Variants in CEP70 observed in about 807,000 individuals in gnomAD.
The protein encoded by CEP70 is centrosomal protein 70.
Under a neutral mutation model 90.9 loss-of-function variants are expected in CEP70, and 70 were observed. The observed-to-expected ratio is 0.77, with a 90% confidence interval of 0.64 to 0.94. The LOEUF is 0.94. CEP70 is among the 40% of genes least tolerant of loss of function. The pLI is 0.00. For missense variants in CEP70, 648 were observed against 669.0 expected (o/e 0.97, Z 0.35); for synonymous variants, 220 against 228.3 (o/e 0.96, Z 0.33).
intron 6 of CEP70, among the ~76,000 whole-genome samples, chr3:138,557,359 C>A (rs745812672): frequency 3.9e-5 from 6 of 152,036 alleles, no homozygotes; most frequent in Non-Finnish European, 8.8e-5. Flanking sequence ...GGTCCTGAGG[C>A]GACATACATC....
intron 11 of CEP70, among the ~76,000 whole-genome samples, chr3:138,509,428 G>A (rs767927903): frequency 2.0e-5 from 3 of 152,170 alleles, no homozygotes; most frequent in Admixed American, 6.5e-5. Context: ...GTGGCTACTA[G>A]AATGCTAGGG....
At chr3:138,533,063 C>T (rs983610396) in intron 7 of CEP70, among the ~76,000 whole-genome samples, 2 of 152,142 alleles carry the variant, frequency 1.3e-5, no homozygotes, top group African/African-American at 4.8e-5. Flanking sequence ...AGGCGGATCA[C>T]AAGGTCAGCA....
intron 10 of CEP70, 72 bp from the exon 11 acceptor site, chr3:138,525,636 G>A (rs901985207): frequency 5.9e-5 from 39 of 666,444 alleles, no homozygotes; most frequent in East Asian, 2.8e-4. Flanking sequence ...AAATATTAAC[G>A]ACATACAAAA....
intron 6 of CEP70, among the ~76,000 whole-genome samples, chr3:138,561,477 G>A (rs1369981917): frequency 1.3e-5 from 2 of 151,992 alleles, no homozygotes; most frequent in African/African-American, 2.4e-5. Flanking sequence ...AAACCAGAAC[G>A]CCTCTTCTCT....
At position 138,508,469 on chromosome 3, in the gene CEP70, T is replaced by C. The variant is rs1033444481; in HGVS notation, c.1020A>G (p.Gln340=). The C allele has an allele frequency of 3.7e-6, 6 of 1,611,862 alleles. No individual in the cohort carries two copies. Among genetic ancestry groups the C allele is most frequent in the Non-Finnish European group, 5.1e-6 (6 of 1,178,212 alleles). Residue 340 remains glutamine, a synonymous_variant, in exon 12 of 18, where the codon CAA becomes CAG. Transcript: ENST00000264982. ...AGTATCTCTGGTCAATTAGGGCCTGTTGCTGATTATATTTGCTGGGCTCAT... is the reference window on the plus strand; with the variant it reads ...AGTATCTCTGGTCAATTAGGGCCTGCTGCTGATTATATTTGCTGGGCTCAT... ...KKDEPSKYNQ[Q]QALIDQRYFQ...
At chr3:138,564,111 A>G (rs953806352) in intron 6 of CEP70, among the ~76,000 whole-genome samples, 1 of 152,248 alleles carries the variant, frequency 6.6e-6, no homozygotes, top group Non-Finnish European at 1.5e-5. Flanking sequence ...AAATTGATAA[A>G]TTCCTGGACA....
Position 138,500,163 on chromosome 3 carries a change from A to G in CEP70, c.1599T>C (p.Asn533=). 1 of 1,613,966 alleles carries G rather than the reference A, an allele frequency of 6.2e-7. No homozygotes were observed. ...GCATAACCTGCTCATTCACATCTTC[A>G]TTAATCAGCCTACAGAGTTTTCCAA... is the stretch of plus-strand genomic sequence containing the variant. ...STVGKLCRLI[N]EDVNEQVMQV... The change falls in exon 16 of 18, where the codon AAT becomes AAC. Residue 533 remains asparagine, a synonymous_variant. Coordinates refer to ENST00000264982, the MANE Select transcript of CEP70 (RefSeq NM_024491.4).
intron 6 of CEP70, among the ~76,000 whole-genome samples, chr3:138,538,110 G>A (rs1344972026): frequency 6.6e-6 from 1 of 152,138 alleles, no homozygotes; most frequent in Admixed American, 6.5e-5. Flanking sequence ...CCACTATCTT[G>A]GGTTCCTTGC....
intron 14 of CEP70, 82 bp from the exon 15 acceptor site, chr3:138,500,649 C>G: frequency 6.7e-7 from 1 of 1,498,770 alleles, no homozygotes; most frequent in Non-Finnish European, 8.9e-7. Flanking sequence ...ACAAATAGAA[C>G]TCTAGTAGAA....
chr3:138,507,468 T>A (rs574287078), intron 12 of CEP70, among the ~76,000 whole-genome samples: 8 of 152,224 alleles, frequency 5.3e-5, no homozygotes, highest in South Asian at 2.1e-4. Context: ...ATAAAAAAAA[T>A]TTTTTTAATG....
At position 138,500,204 on chromosome 3, in the gene CEP70, C is replaced by T. The variant is rs1560272575; in HGVS notation, c.1558G>A (p.Val520Met). Residue 520 changes from valine to methionine, a missense_variant, in exon 16 of 18, where the codon GTG becomes ATG. By Grantham distance (21) the Val-to-Met change is conservative (BLOSUM62 1). Transcript: ENST00000264982. ...LELDSSSSLCVLVSTVGKLCR... is the reference protein window; with the variant it reads ...LELDSSSSLCMLVSTVGKLCR... ...AGTTTTCCAACAGTGCTTACTAGCA[C>T]ACACAATGAGGATGAACTATCTGCA... is the stretch of plus-strand genomic sequence containing the variant. 1 of 1,612,390 alleles carries T rather than the reference C, an allele frequency of 6.2e-7. No individual in the cohort carries two copies. The highest frequency in any genetic ancestry group is 1.1e-5 in the South Asian group (1 of 91,040).
chr3:138,579,592 A>C (rs2041742641), intron 2 of CEP70, among the ~76,000 whole-genome samples: 1 of 151,720 alleles, frequency 6.6e-6, no homozygotes, highest in Non-Finnish European at 1.5e-5. Context: ...GCTCCCAAAC[A>C]ACATTTCTAG....
At chr3:138,545,397 T>C (rs966394590) in intron 6 of CEP70, among the ~76,000 whole-genome samples, 7 of 152,256 alleles carry the variant, frequency 4.6e-5, no homozygotes, top group African/African-American at 1.7e-4. Context: ...CTTATGCCTG[T>C]CTTTACTTTA....
chr3:138,559,377 T>C lies in CEP70; in HGVS notation c.465+10941A>G, dbSNP rs543772764. The stretch of plus-strand genomic sequence containing the variant: ...ATCAAGCTACACGCTCAAGAAATGC[T>C]GCAAAATCAAAGGAAGATAAATCAA... On this transcript the variant is annotated intron_variant, in intron 6 of 17. Coordinates refer to ENST00000264982, the MANE Select transcript of CEP70 (RefSeq NM_024491.4). Among the ~76,000 whole-genome samples, 860 of 152,266 alleles carry C rather than the reference T, an allele frequency of 5.6e-3. 7 individuals carry two copies. Among genetic ancestry groups the C allele is most frequent in the African/African-American group, 0.02 (828 of 41,560 alleles).
intron 17 of CEP70, chr3:138,497,033 A>G: frequency 5.0e-6 from 5 of 1,000,518 alleles, no homozygotes; most frequent in Non-Finnish European, 4.8e-6. Context: ...TCTTCAGGAT[A>G]TCAGACAACA....
intron 12 of CEP70, among the ~76,000 whole-genome samples, chr3:138,506,849 T>C (rs1170029668): frequency 1.3e-5 from 2 of 152,164 alleles, no homozygotes; most frequent in African/African-American, 4.8e-5. Flanking sequence ...TCAAGTGATC[T>C]TCCCATGTCA....
At chr3:138,566,375 C>T (rs1244364789) in intron 6 of CEP70, among the ~76,000 whole-genome samples, 1 of 152,150 alleles carries the variant, frequency 6.6e-6, no homozygotes, top group East Asian at 1.9e-4. Flanking sequence ...AAGACACATG[C>T]ACACGTTTAT....
Position 138,529,523 on chromosome 3 carries a change from T to A in CEP70, c.693-61A>T, listed in dbSNP as rs1349514530. On this transcript the variant is annotated intron_variant, in intron 8 of 17. Transcript: ENST00000264982. Reference sequence around the variant, plus strand: ...TCTATCTTCAAAGAAAAAAACTAATTAAACCAATGTAATGAGGGTTTAATA... The same window carrying A: ...TCTATCTTCAAAGAAAAAAACTAATAAAACCAATGTAATGAGGGTTTAATA... The A allele has an allele frequency of 1.2e-5, 11 of 951,892 alleles. No individual in the cohort carries two copies. The East Asian group carries it at 2.2e-4, about 19-fold the overall frequency. 59.0% of individuals were successfully genotyped at this position (951,892 alleles called of 1,614,324 possible).
chr3:138,581,020 C>T (rs573168308), intron 2 of CEP70, among the ~76,000 whole-genome samples: 3 of 152,046 alleles, frequency 2.0e-5, no homozygotes, highest in South Asian at 4.2e-4. Flanking sequence ...CATGGTGGCT[C>T]ATGCCTGTAA....
Sources: gnomAD v4.1 joint callset for allele counts (sites outside exome capture counted in the v4.1 genomes callset) on GRCh38, gnomAD v4.1.1 for gene constraint, MANE v1.5 for transcripts, NCBI Gene and HGNC (gene_info 2026-07-23, HGNC 2026-07-21) for gene names.